CDKN2B-AS1: variants seen among roughly 807,000 people sequenced by gnomAD.
CDKN2B-AS1 encodes CDKN2B and CDKN2A antisense cis and trans regulatory RNA 1, also known as CDKN2B antisense RNA 1 (non-protein coding).
intron 4 of CDKN2B-AS1, among the ~76,000 whole-genome samples, chr9:22,091,041 A>G (rs1438402032): frequency 2.0e-5 from 3 of 152,224 alleles, no homozygotes; most frequent in South Asian, 2.1e-4. Flanking sequence ...AGCTTTCTAC[A>G]TATGGCTAGC....
intron 3 of CDKN2B-AS1, among the ~76,000 whole-genome samples, chr9:22,053,919 G>T (rs551919914): frequency 6.7e-6 from 1 of 150,326 alleles, no homozygotes; most frequent in South Asian, 2.1e-4. Context: ...AGATGGTTTA[G>T]CAAAAAAGCA....
At chr9:22,023,385 G>C (rs1822091082) in intron 1 of CDKN2B-AS1, among the ~76,000 whole-genome samples, 1 of 151,894 alleles carries the variant, frequency 6.6e-6, no homozygotes, top group Non-Finnish European at 1.5e-5. Context: ...CTTCAAGCTT[G>C]GAAATTCTCT....
At position 22,114,962 on chromosome 9, in the gene CDKN2B-AS1, A is replaced by G. The variant is rs573631777; in HGVS notation, n.439-12141A>G. ...ACTCATGGCCCGATGATTTTCAGTT[A>G]ACCAAATTCTCCCTTACTATCCTGG... On this transcript the variant is annotated intron_variant and non_coding_transcript_variant, in intron 4 of 4. Transcript: ENST00000650946. 7.9e-5 allele frequency among the ~76,000 whole-genome samples: 12 copies of G among 152,292 alleles called. No homozygotes were observed. In the South Asian group the frequency reaches 2.5e-3, roughly 32 times the overall value.
At chr9:22,037,594 AT>A (rs1217577628) in intron 1 of CDKN2B-AS1, among the ~76,000 whole-genome samples, 1 of 152,028 alleles carries the variant, frequency 6.6e-6, no homozygotes, top group Non-Finnish European at 1.5e-5. Context: ...GTGCTCTTAG[AT>A]TAATTTTAAC....
chr9:22,010,874 A>G (rs532176222), intron 1 of CDKN2B-AS1, among the ~76,000 whole-genome samples: 1 of 152,370 alleles, frequency 6.6e-6, no homozygotes, highest in South Asian at 2.1e-4. Flanking sequence ...TTTCTTAGGT[A>G]GTAAATATGT....
intron 4 of CDKN2B-AS1, among the ~76,000 whole-genome samples, chr9:22,125,243 G>T (rs2131378932): frequency 6.6e-6 from 1 of 152,296 alleles, no homozygotes; most frequent in Non-Finnish European, 1.5e-5. Context: ...AAAAGAATGG[G>T]CTGCTGACTC....
At chr9:22,085,479 G>C (rs1006027385) in intron 4 of CDKN2B-AS1, among the ~76,000 whole-genome samples, 1 of 152,184 alleles carries the variant, frequency 6.6e-6, no homozygotes, top group African/African-American at 2.4e-5. Flanking sequence ...CCAGCACTTT[G>C]GGAGGCTGAG....
chr9:22,127,831 C>T (rs994875533), exon 5 of CDKN2B-AS1, among the ~76,000 whole-genome samples: 1 of 152,150 alleles, frequency 6.6e-6, no homozygotes, highest in African/African-American at 2.4e-5. Flanking sequence ...GTAGCAGAAG[C>T]CCTTTGTCTA....
At chr9:22,049,683 C>T (rs1412364674) in intron 3 of CDKN2B-AS1, among the ~76,000 whole-genome samples, 1 of 152,122 alleles carries the variant, frequency 6.6e-6, no homozygotes, top group Non-Finnish European at 1.5e-5. Context: ...AGATCAAGGG[C>T]CCTGAAGTAA....
rs866679622 is a variant in CDKN2B-AS1 at position 22,000,805 on chromosome 9, G to T, written n.29+5644G>T. Among the ~76,000 whole-genome samples the T allele has an allele frequency of 2.6e-5, 4 of 152,196 alleles. No individual in the cohort carries two copies. The Middle Eastern group carries it at 0.01, about 391-fold the overall frequency. On this transcript the variant is annotated intron_variant and non_coding_transcript_variant, in intron 1 of 4. Coordinates refer to ENST00000650946, the Ensembl canonical transcript of CDKN2B-AS1. The surrounding 1 kb of genome is among the most constrained non-coding windows in gnomAD (Gnocchi z 4.1). The stretch of plus-strand genomic sequence containing the variant: ...CAGCTTAATTAAAGAAAAAATGCAA[G>T]TATCTTATTTATACTAAGAGAAGAG...
rs932741334 is a variant in CDKN2B-AS1 at position 22,101,691 on chromosome 9, CACACACACACAT to C, written n.439-25411_439-25400del. 1.7e-4 allele frequency among the ~76,000 whole-genome samples: 22 copies of C among 130,754 alleles called. 1 individual carries two copies. Among genetic ancestry groups the C allele is most frequent in the South Asian group, 5.6e-4 (2 of 3,550 alleles). 85.8% of individuals were successfully genotyped at this position (130,754 alleles called of 152,430 possible). A position where few individuals can be genotyped will look rare whatever the true frequency, so the allele number is the denominator to read the frequency against. On this transcript the variant is annotated intron_variant and non_coding_transcript_variant, in intron 4 of 4. Transcript: ENST00000650946. ...ACACACACACACACACACACACACA[CACACACACACAT>C]GGCTTCTAGATTCTACATGTACAAG...
chr9:22,033,297 T>C (rs1419032694), intron 1 of CDKN2B-AS1, among the ~76,000 whole-genome samples: 2 of 152,204 alleles, frequency 1.3e-5, no homozygotes, highest in South Asian at 4.1e-4. Context: ...CTGTTTTACA[T>C]GCACAAGTAG....
chr9:22,037,281 A>G (rs1005645276), intron 1 of CDKN2B-AS1, among the ~76,000 whole-genome samples: 2 of 152,060 alleles, frequency 1.3e-5, no homozygotes, highest in Admixed American at 1.3e-4. Context: ...AGTACATACT[A>G]TTCAGTATTA....
At chr9:22,126,574 C>CTTTTTTTTTTTTTTTT (rs34700018) in intron 4 of CDKN2B-AS1, among the ~76,000 whole-genome samples, 2 of 104,882 alleles carry the variant, frequency 1.9e-5, no homozygotes, top group African/African-American at 7.9e-5. Context: ...TAAGTGGATT[C>CTTTTTTTTTTTTTTTT]TTTTTTTTTT....
chr9:22,089,439 CTT>C (rs531483817), intron 4 of CDKN2B-AS1, among the ~76,000 whole-genome samples: 1 of 149,510 alleles, frequency 6.7e-6, no homozygotes. Flanking sequence ...ACTTACTAAA[CTT>C]TTTTTTTTAA....
In CDKN2B-AS1 at chr9:22,005,967, G is replaced by A. The variant is rs1443543856; in HGVS notation, n.29+10806G>A. On this transcript the variant is annotated intron_variant and non_coding_transcript_variant, in intron 1 of 4. Transcript: ENST00000650946. The surrounding 1 kb of genome is among the most constrained non-coding windows in gnomAD (Gnocchi z 4.9). ...TGGGTAAGAAAATAAAGTCGTTGTG[G>A]GCGGCTGGGGAACCTGGCGTCAGTC... is the stretch of plus-strand genomic sequence containing the variant. 1 of 1,599,626 alleles carries A rather than the reference G, an allele frequency of 6.3e-7. No homozygotes were observed. Among genetic ancestry groups the A allele is most frequent in the Non-Finnish European group, 8.5e-7 (1 of 1,179,630 alleles).
chr9:22,121,017 C>T (rs1318701187), intron 4 of CDKN2B-AS1: 1 of 152,098 alleles, frequency 6.6e-6, no homozygotes, highest in East Asian at 1.9e-4. Context: ...CTTAAGCAGT[C>T]TAACCTTAGA....
intron 2 of CDKN2B-AS1, among the ~76,000 whole-genome samples, chr9:22,047,962 ATTTT>A (rs34728798): frequency 6.9e-6 from 1 of 145,636 alleles, no homozygotes. Context: ...TAATTTTTGT[ATTTT>A]TTTTTTTTTG....
chr9:22,092,047 G>A (rs544629713), intron 4 of CDKN2B-AS1, among the ~76,000 whole-genome samples: 2 of 152,216 alleles, frequency 1.3e-5, no homozygotes, highest in South Asian at 4.1e-4. Flanking sequence ...GTTGAATTTT[G>A]TCAAAGGCCT....
Sources: gnomAD v4.1 joint callset for allele counts (sites outside exome capture counted in the v4.1 genomes callset) on GRCh38, gnomAD v4.1.1 for gene constraint, Gnocchi (gnomAD v3.1) non-coding constraint, MANE v1.5 for transcripts, NCBI Gene and HGNC (gene_info 2026-07-23, HGNC 2026-07-21) for gene names.